The following SNRK variants were observed in gnomAD, a reference collection of about 807,000 sequenced individuals.
The protein encoded by SNRK is SNF-related serine/threonine-protein kinase.
In SNRK, 3 loss-of-function variants were observed where a neutral mutation model predicts 48.2. The observed-to-expected ratio is 0.06, with a 90% CI of 0.03 to 0.16. SNRK has a LOEUF of 0.16. Ranked by LOEUF, SNRK falls within the 10% of genes least tolerant of loss-of-function variation. SNRK has a pLI of 1.00. For missense variants in SNRK, 627 were observed against 976.0 expected, an observed-to-expected ratio of 0.64 and a Z score of 4.76; for synonymous variants, 376 against 366.1, an observed-to-expected ratio of 1.03 and a Z score of -0.31.
Position 43,350,372 on chromosome 3 carries a change from A to G in SNRK, c.*1815A>G, listed in dbSNP as rs146512141. ...CATAGGAGAGAAGTTTATAAAGGGCATTGGCAATAAACTCTTTGTTGCAGC... is the reference window on the plus strand; with the variant it reads ...CATAGGAGAGAAGTTTATAAAGGGCGTTGGCAATAAACTCTTTGTTGCAGC... On this transcript the variant is annotated 3_prime_UTR_variant, in exon 7 of 7. Coordinates refer to ENST00000296088, the MANE Select transcript of SNRK (RefSeq NM_017719.5). 6.5e-6 allele frequency: 1 copy of G among 152,780 alleles called. No individual in the cohort carries two copies. The highest frequency in any genetic ancestry group is 1.5e-5 in the Non-Finnish European group (1 of 68,032). 9.5% of individuals were successfully genotyped at this position (152,780 alleles called of 1,614,324 possible).
intron 1 of SNRK, among the ~76,000 whole-genome samples, chr3:43,296,414 G>GCATATATATA (rs1420135195): frequency 1.1e-4 from 1 of 9,412 alleles, no homozygotes; most frequent in East Asian, 3.8e-3. Context: ...GGATATACTG[G>GCATATATATA]CATATATATA....
rs2091312984 is a variant in SNRK at position 43,350,234 on chromosome 3, G to A, written c.*1677G>A. On this transcript the variant is annotated 3_prime_UTR_variant, in exon 7 of 7. Coordinates refer to ENST00000296088, the MANE Select transcript of SNRK (RefSeq NM_017719.5). The stretch of plus-strand genomic sequence containing the variant: ...ATTTGAAAGCTATGAGAATAGATGT[G>A]TGGGTGAAGCCATAGAACATATTTG... The A allele has an allele frequency of 6.6e-6, 1 of 152,666 alleles. No individual in the cohort carries two copies. 9.5% of individuals were successfully genotyped at this position (152,666 alleles called of 1,614,324 possible). A position where few individuals can be genotyped will look rare whatever the true frequency, so the allele number is the denominator to read the frequency against.
intron 1 of SNRK, among the ~76,000 whole-genome samples, chr3:43,288,660 T>G (rs2090786041): frequency 6.6e-6 from 1 of 152,202 alleles, no homozygotes; most frequent in East Asian, 1.9e-4. Flanking sequence ...ACATGATTTC[T>G]TCCCTGTAGC....
chr3:43,315,309 C>T (rs529090221), intron 3 of SNRK: 1 of 152,190 alleles, frequency 6.6e-6, no homozygotes, highest in Non-Finnish European at 1.5e-5. Flanking sequence ...ACCTTTATTT[C>T]AGATTCCAGA....
intron 2 of SNRK, among the ~76,000 whole-genome samples, chr3:43,301,212 A>C (rs2090895509): frequency 6.6e-6 from 1 of 152,214 alleles, no homozygotes; most frequent in Non-Finnish European, 1.5e-5. Context: ...AACATACATA[A>C]ATTTTTTGAG....
chr3:43,327,226 T>C (rs2091103490), intron 3 of SNRK, among the ~76,000 whole-genome samples: 1 of 152,216 alleles, frequency 6.6e-6, no homozygotes. Context: ...ATTAGGTTTC[T>C]CAGTGTTGTA....
chr3:43,326,618 T>C (rs1194728601), intron 3 of SNRK, among the ~76,000 whole-genome samples: 2 of 152,142 alleles, frequency 1.3e-5, no homozygotes, highest in East Asian at 3.9e-4. Flanking sequence ...ATGAGGATCA[T>C]TGGAGGATTT....
intron 3 of SNRK, among the ~76,000 whole-genome samples, chr3:43,308,578 C>G (rs1460548841): frequency 6.6e-6 from 1 of 152,196 alleles, no homozygotes; most frequent in African/African-American, 2.4e-5. Context: ...GACAACACAT[C>G]TGTTTACAGC....
Position 43,348,682 on chromosome 3 carries a change from C to A in SNRK, c.*125C>A. ...TAGGAGCAATTATTTATTACCTTTCCATTTGTTCGCCTGATGATGTGACAA... is the reference window on the plus strand; with the variant it reads ...TAGGAGCAATTATTTATTACCTTTCAATTTGTTCGCCTGATGATGTGACAA... On this transcript the variant is annotated 3_prime_UTR_variant, in exon 7 of 7. Transcript: ENST00000296088. 9.6e-7 allele frequency: 1 copy of A among 1,041,144 alleles called. No individual in the cohort carries two copies. The highest frequency in any genetic ancestry group is 1.3e-6 in the Non-Finnish European group (1 of 778,102). 64.5% of individuals were successfully genotyped at this position (1,041,144 alleles called of 1,614,324 possible). A position where few individuals can be genotyped will look rare whatever the true frequency, so the allele number is the denominator to read the frequency against.
intron 6 of SNRK, 84 bp downstream of exon 6, chr3:43,343,562 C>T (rs1368066330): frequency 5.0e-6 from 7 of 1,396,446 alleles, no homozygotes; most frequent in African/African-American, 3.0e-5. Context: ...TGCTTCCTAA[C>T]TCTTTGGGGC....
intron 4 of SNRK, among the ~76,000 whole-genome samples, chr3:43,334,757 C>T (rs2091174016): frequency 6.6e-6 from 1 of 152,024 alleles, no homozygotes; most frequent in African/African-American, 2.4e-5. Context: ...CCGTGCCCAG[C>T]TAATGTTTGT....
intron 1 of SNRK, among the ~76,000 whole-genome samples, chr3:43,296,415 CATATATATATATATATATGTAT>C (rs1245692966): frequency 6.3e-5 from 8 of 127,216 alleles, no homozygotes; most frequent in Non-Finnish European, 1.1e-4. Flanking sequence ...GATATACTGG[CATATATATATATATATATGTAT>C]ATATATATAT....
intron 3 of SNRK, among the ~76,000 whole-genome samples, chr3:43,327,011 C>T (rs1480790773): frequency 6.6e-6 from 1 of 152,160 alleles, no homozygotes; most frequent in Non-Finnish European, 1.5e-5. Context: ...TTCTTCATTC[C>T]TCTTCTGCTT....
chr3:43,303,173 G>T lies in SNRK; in HGVS notation c.-31G>T. The T allele has an allele frequency of 6.5e-7, 1 of 1,528,652 alleles. No homozygotes were observed. The highest frequency in any genetic ancestry group is 1.4e-5 in the African/African-American group (1 of 72,682). 94.7% of individuals were successfully genotyped at this position (1,528,652 alleles called of 1,614,324 possible). A position where few individuals can be genotyped will look rare whatever the true frequency, so the allele number is the denominator to read the frequency against. On this transcript the variant is annotated 5_prime_UTR_variant, in exon 3 of 7. Coordinates refer to ENST00000296088, the MANE Select transcript of SNRK (RefSeq NM_017719.5). The surrounding 1 kb of genome is among the most constrained non-coding windows in gnomAD (Gnocchi z 6.2). ...TATATGAGAAGATCTATTTTAAACA[G>T]TCTAAATATTTTTTCTTCTGTTGGA...
intron 3 of SNRK, among the ~76,000 whole-genome samples, chr3:43,325,521 G>A (rs1406096525): frequency 1.3e-5 from 2 of 151,986 alleles, no homozygotes; most frequent in Non-Finnish European, 2.9e-5. Flanking sequence ...TCCACTAGCT[G>A]TCAAACTAAA....
chr3:43,286,552 C>T lies in SNRK; in HGVS notation c.-292C>T, dbSNP rs148185233. On this transcript the variant is annotated 5_prime_UTR_variant, in exon 1 of 7. Coordinates refer to ENST00000296088, the MANE Select transcript of SNRK (RefSeq NM_017719.5). Reference sequence around the variant, plus strand: ...CCCGCGCAGGCGCAGCTACCCGGCACCCCCTCCCCGCGGCCGGCAGCCCGC... The same window carrying T: ...CCCGCGCAGGCGCAGCTACCCGGCATCCCCTCCCCGCGGCCGGCAGCCCGC... 3,808 of 151,176 alleles carry T rather than the reference C, an allele frequency of 0.025. 164 individuals are homozygous for T. The highest frequency in any genetic ancestry group is 0.085 in the African/African-American group (3,515 of 41,376). The allele number at this position is 151,176 out of a possible 1,614,324, so 9.4% of individuals were successfully genotyped here. A position where few individuals can be genotyped will look rare whatever the true frequency, so the allele number is the denominator to read the frequency against.
At chr3:43,323,058 A>G (rs1450369339) in intron 3 of SNRK, among the ~76,000 whole-genome samples, 1 of 152,088 alleles carries the variant, frequency 6.6e-6, no homozygotes, top group Admixed American at 6.5e-5. Flanking sequence ...GTTGATTTTC[A>G]ACAAAGGTGC....
intron 3 of SNRK, among the ~76,000 whole-genome samples, chr3:43,329,754 C>A (rs919520349): frequency 1.3e-5 from 2 of 151,882 alleles, no homozygotes; most frequent in South Asian, 2.1e-4. Flanking sequence ...CATAACAAGC[C>A]GAGTGTGTTA....
intron 1 of SNRK, among the ~76,000 whole-genome samples, chr3:43,296,834 C>T (rs2090859614): frequency 1.3e-5 from 2 of 152,210 alleles, no homozygotes; most frequent in South Asian, 4.1e-4. Flanking sequence ...TTTTCAGCAG[C>T]TTGCAAAACG....
Sources: allele counts gnomAD v4.1 joint callset (sites outside exome capture counted in the v4.1 genomes callset), GRCh38; gene constraint gnomAD v4.1.1; non-coding constraint Gnocchi (gnomAD v3.1); transcripts MANE v1.5; gene names NCBI Gene and HGNC (gene_info 2026-07-23, HGNC 2026-07-21).